BCKDHB: variants seen among roughly 807,000 people sequenced by gnomAD.
BCKDHB encodes branched chain keto acid dehydrogenase E1 subunit beta, also known as 2-oxoisovalerate dehydrogenase subunit beta, mitochondrial.
BCKDHB carries 41 observed loss-of-function variants against 48.5 expected under a neutral mutation model. That is an observed-to-expected ratio of 0.85 (90% CI 0.66 to 1.10). The LOEUF is 1.10. Ranked by LOEUF, BCKDHB falls within the 50% of genes least tolerant of loss-of-function variation. The probability of loss-of-function intolerance (pLI) is 0.00; values close to 1 mark genes in which losing one functional copy is unlikely to be tolerated. For missense variants in BCKDHB, 496 were observed against 494.2 expected (o/e 1.00, Z -0.03); for synonymous variants, 201 against 174.8 (o/e 1.15, Z -1.18).
chr6:80,391,511 C>T, the BCKDHB span, among the ~76,000 whole-genome samples: 2 of 152,068 alleles, frequency 1.3e-5, no homozygotes, highest in Admixed American at 6.6e-5. Context: ...CCGAGGATTG[C>T]CAATAGTCAC....
At chr6:80,422,284 A>C in the BCKDHB span, among the ~76,000 whole-genome samples, 1 of 152,188 alleles carries the variant, frequency 6.6e-6, no homozygotes, top group East Asian at 1.9e-4. Context: ...AGAAGACAAG[A>C]GTTGAGCTTT....
chr6:80,277,037 A>T (rs977047065), intron 9 of BCKDHB, among the ~76,000 whole-genome samples: 1 of 148,936 alleles, frequency 6.7e-6, no homozygotes, highest in African/African-American at 2.5e-5. Context: ...TTCTTATCTT[A>T]CATTCCCATC....
chr6:80,107,528 T>TGC (rs1554181360), intron 1 of BCKDHB, among the ~76,000 whole-genome samples: 11 of 113,894 alleles, frequency 9.7e-5, no homozygotes, highest in Admixed American at 8.6e-4. Context: ...TATATATATA[T>TGC]GCATATATAT....
rs1766814178 is a variant in BCKDHB at position 80,289,741 on chromosome 6, A to G, written c.1038+16520A>G. Among the ~76,000 whole-genome samples the G allele has an allele frequency of 2.0e-5, 3 of 152,164 alleles. No homozygotes were observed. In the South Asian group the frequency reaches 6.2e-4, roughly 32 times the overall value. On this transcript the variant is annotated intron_variant, in intron 9 of 9. Transcript: ENST00000320393. ...GTCTCCCCTGGATGTGTGAGCTGAC[A>G]GGGGCATCTCCCTGGGGAGCAGGCA...
rs1328608014 is a variant in BCKDHB, at chr6:80,106,889, G to C, written c.196G>C (p.Gly66Arg). The C allele has an allele frequency of 5.0e-6, 8 of 1,602,610 alleles. No homozygotes were observed. Among genetic ancestry groups the C allele is most frequent in the Non-Finnish European group, 6.0e-6 (7 of 1,175,476 alleles). The change falls in exon 1 of 10, where the codon GGG (glycine) becomes CGG (arginine). Residue 66 changes from glycine to arginine, a missense_variant and splice_region_variant. Physicochemically the swap from Gly to Arg is moderately radical, Grantham distance 125. Transcript: ENST00000320393. ...FQPDPEPREY[G>R]QTQKMNLFQS... ...GCCAGATCCGGAGCCCCGGGAGTAC[G>C]GTGAGCCCTGGGACTGCCCACTCGG... is the stretch of plus-strand genomic sequence containing the variant.
chr6:80,325,518 C>G (rs552004267), intron 9 of BCKDHB, among the ~76,000 whole-genome samples: 9 of 152,174 alleles, frequency 5.9e-5, no homozygotes, highest in Non-Finnish European at 1.0e-4. Context: ...AAATAGTTAA[C>G]AGTCTAAAAA....
At chr6:80,230,202 C>G (rs9352804) in intron 8 of BCKDHB, among the ~76,000 whole-genome samples, 2 of 150,674 alleles carry the variant, frequency 1.3e-5, no homozygotes, top group Admixed American at 6.6e-5. Context: ...CCACGCCCGG[C>G]TAATTTTTTG....
intron 8 of BCKDHB, among the ~76,000 whole-genome samples, chr6:80,219,311 A>G (rs937987754): frequency 5.3e-5 from 8 of 151,088 alleles, no homozygotes; most frequent in African/African-American, 1.7e-4. Context: ...GGTTCAAGCT[A>G]TTCTCCTGCC....
intron 9 of BCKDHB, among the ~76,000 whole-genome samples, chr6:80,327,286 A>T (rs539060857): frequency 6.6e-6 from 1 of 152,364 alleles, no homozygotes; most frequent in African/African-American, 2.4e-5. Context: ...AGCCTATTTT[A>T]TAATGAAGTG....
At chr6:80,167,016 A>T (rs955224189) in intron 3 of BCKDHB, among the ~76,000 whole-genome samples, 1 of 151,850 alleles carries the variant, frequency 6.6e-6, no homozygotes, top group Non-Finnish European at 1.5e-5. Context: ...GATTTTGTCC[A>T]TTTGTCCTTT....
intron 8 of BCKDHB, among the ~76,000 whole-genome samples, chr6:80,225,098 C>T (rs1775627228): frequency 1.3e-5 from 2 of 152,288 alleles, no homozygotes; most frequent in South Asian, 4.1e-4. Context: ...CCTCTTATAT[C>T]TAGGTTAAGC....
At chr6:80,294,138 C>T (rs1474619023) in intron 9 of BCKDHB, among the ~76,000 whole-genome samples, 1 of 152,220 alleles carries the variant, frequency 6.6e-6, no homozygotes, top group Non-Finnish European at 1.5e-5. Flanking sequence ...ACTGGTGTTA[C>T]AGGAAGTCAG....
At chr6:80,328,485 A>G (rs1259950441) in intron 9 of BCKDHB, among the ~76,000 whole-genome samples, 2 of 152,160 alleles carry the variant, frequency 1.3e-5, no homozygotes, top group African/African-American at 4.8e-5. Context: ...GTTTTTCCCA[A>G]AGGGAACATT....
chr6:80,242,857 G>C (rs987189425), intron 8 of BCKDHB, among the ~76,000 whole-genome samples: 1 of 152,082 alleles, frequency 6.6e-6, no homozygotes, highest in Non-Finnish European at 1.5e-5. Flanking sequence ...AACAGATAAA[G>C]TATAAAAATT....
At chr6:80,327,488 C>T (rs1380085473) in intron 9 of BCKDHB, among the ~76,000 whole-genome samples, 1 of 152,150 alleles carries the variant, frequency 6.6e-6, no homozygotes, top group Admixed American at 6.6e-5. Context: ...ATACCTGAGA[C>T]TGGGTAATTT....
chr6:80,169,321 C>T (rs1190759604), intron 5 of BCKDHB, among the ~76,000 whole-genome samples: 1 of 152,128 alleles, frequency 6.6e-6, no homozygotes, highest in African/African-American at 2.4e-5. Flanking sequence ...GTTTACCTCC[C>T]CTCTCTTTCA....
intron 3 of BCKDHB, among the ~76,000 whole-genome samples, chr6:80,140,501 T>G (rs1283985702): frequency 1.3e-5 from 2 of 152,108 alleles, no homozygotes; most frequent in Non-Finnish European, 2.9e-5. Flanking sequence ...TTATTGTGAG[T>G]TTTTAGCATG....
chr6:80,192,068 T>C (rs1469352218), intron 6 of BCKDHB, among the ~76,000 whole-genome samples: 2 of 152,236 alleles, frequency 1.3e-5, no homozygotes, highest in African/African-American at 4.8e-5. Context: ...CTTATTTTGC[T>C]TATGTTTTGT....
chr6:80,347,015 G>A (rs200580606), downstream of BCKDHB, among the ~76,000 whole-genome samples: 3 of 140,300 alleles, frequency 2.1e-5, no homozygotes, highest in Non-Finnish European at 3.1e-5. Context: ...AAAAAAAAAA[G>A]AACACTTTTC....
Sources: gnomAD v4.1 joint callset for allele counts (sites outside exome capture counted in the v4.1 genomes callset) on GRCh38, gnomAD v4.1.1 for gene constraint, MANE v1.5 for transcripts, NCBI Gene and HGNC (gene_info 2026-07-23, HGNC 2026-07-21) for gene names.